Variants in BIN1 observed in about 807,000 individuals in gnomAD.
BIN1 encodes the protein myc box-dependent-interacting protein 1.
In BIN1, 53 loss-of-function variants were observed where a neutral mutation model predicts 82.0. The ratio of observed to expected loss-of-function variants is 0.65; its 90% CI spans 0.52 to 0.81. BIN1 has a LOEUF of 0.81. BIN1 is among the 40% of genes least tolerant of loss of function. The pLI is 0.00. For missense variants in BIN1, 642 were observed against 784.4 expected (o/e 0.82, Z 2.17); for synonymous variants, 302 against 328.0 (o/e 0.92, Z 0.86).
chr2:127,080,885 C>A (rs1302535743), intron 1 of BIN1, among the ~76,000 whole-genome samples: 1 of 152,218 alleles, frequency 6.6e-6, no homozygotes, highest in Non-Finnish European at 1.5e-5. Flanking sequence ...TGGAAGGAAA[C>A]CCTCCCAAGG....
At position 127,073,652 on chromosome 2, in the gene BIN1, G is replaced by A. The variant is rs1044261481; in HGVS notation, c.166-2836C>T. Among the ~76,000 whole-genome samples the A allele has an allele frequency of 1.4e-4, 22 of 152,168 alleles. 1 individual carries two copies. Among genetic ancestry groups the A allele is most frequent in the East Asian group, 3.9e-4 (2 of 5,178 alleles). Reference sequence around the variant, plus strand: ...TCTGGCACCCCTCAGCCATCAATTCGGGGGGCGACCTTCACTCAATAGTCA... The same window carrying A: ...TCTGGCACCCCTCAGCCATCAATTCAGGGGGCGACCTTCACTCAATAGTCA... On this transcript the variant is annotated intron_variant, in intron 2 of 18. Transcript: ENST00000316724.
chr2:127,083,265 A>T (rs577245134), intron 1 of BIN1, among the ~76,000 whole-genome samples: 2 of 152,036 alleles, frequency 1.3e-5, no homozygotes, highest in African/African-American at 4.8e-5. Flanking sequence ...CTTTTTGTAG[A>T]GACAGGGCCT....
chr2:127,063,024 G>A (rs1025817516), intron 9 of BIN1, among the ~76,000 whole-genome samples: 1 of 152,074 alleles, frequency 6.6e-6, no homozygotes, highest in African/African-American at 2.4e-5. Context: ...GCCAGCCCTG[G>A]GTCTCTCCAA....
At chr2:127,069,110 C>A in intron 5 of BIN1, 79 bp from the exon 6 acceptor site, 2 of 1,400,742 alleles carry the variant, frequency 1.4e-6, no homozygotes, top group South Asian at 1.2e-5. Flanking sequence ...CCTGGAGGGA[C>A]CCGCAGGGCG....
chr2:127,074,702 T>C (rs541042189), intron 2 of BIN1, among the ~76,000 whole-genome samples: 2 of 151,894 alleles, frequency 1.3e-5, no homozygotes, highest in African/African-American at 2.4e-5. Flanking sequence ...GCCTGTTTTT[T>C]GTTTGTTTGT....
chr2:127,100,286 C>T (rs942733429), intron 1 of BIN1, among the ~76,000 whole-genome samples: 3 of 152,222 alleles, frequency 2.0e-5, no homozygotes, highest in African/African-American at 7.2e-5. Flanking sequence ...AAGTGCAAGC[C>T]TAGACCCCAG....
At chr2:127,073,823 G>A (rs192927728) in intron 2 of BIN1, among the ~76,000 whole-genome samples, 12 of 152,288 alleles carry the variant, frequency 7.9e-5, no homozygotes. Flanking sequence ...GAGCTGGGAT[G>A]CCCTGGAGAC....
In BIN1 at chr2:127,059,099, G is replaced by T; in HGVS notation, c.914C>A (p.Ala305Asp). ...GTTGACTCTGATCTCGGGGGTGGCG[G>T]CAGGGGAGCCATCTGGAGGCGAAGG... ...KSPSPPDGSP[A>D]ATPEIRVNHE... The change falls in exon 11 of 19, where the codon GCC (alanine) becomes GAC (aspartate). Residue 305 changes from alanine to aspartate, a missense_variant. Coordinates refer to ENST00000316724, the MANE Select transcript of BIN1 (RefSeq NM_139343.3). This position sits in a 1 kb window ranked among gnomAD's most constrained non-coding sequence, Gnocchi z 6.7. The T allele has an allele frequency of 6.3e-7, 1 of 1,593,970 alleles. No individual in the cohort carries two copies.
At chr2:127,060,704 T>C in intron 10 of BIN1, 1 of 1,599,032 alleles carries the variant, frequency 6.3e-7, no homozygotes, top group Non-Finnish European at 8.6e-7. Context: ...AGAACTGGCC[T>C]GTCCCCTTCC....
At chr2:127,058,162 G>A (rs1035119042) in intron 11 of BIN1, among the ~76,000 whole-genome samples, 1 of 152,206 alleles carries the variant, frequency 6.6e-6, no homozygotes, top group South Asian at 2.1e-4. Flanking sequence ...CACCAGGTGG[G>A]GGACCTCAGG....
chr2:127,079,312 C>T (rs969710741), intron 1 of BIN1, among the ~76,000 whole-genome samples: 1 of 152,218 alleles, frequency 6.6e-6, no homozygotes. Context: ...AACACTGGCA[C>T]CCTCCTCAAG....
chr2:127,058,796 G>A (rs1284755486), intron 11 of BIN1, among the ~76,000 whole-genome samples: 1 of 152,144 alleles, frequency 6.6e-6, no homozygotes, highest in Non-Finnish European at 1.5e-5. Context: ...GGGCTGGGGA[G>A]GAGCGAGCAA....
At chr2:127,091,402 C>T (rs1385319800) in intron 1 of BIN1, among the ~76,000 whole-genome samples, 1 of 152,250 alleles carries the variant, frequency 6.6e-6, no homozygotes, top group Admixed American at 6.5e-5. Context: ...GGCTCCCCAT[C>T]TTTGCCGATG....
Position 127,059,205 on chromosome 2 carries a change from A to G in BIN1, c.858-50T>C. The G allele has an allele frequency of 6.5e-7, 1 of 1,545,020 alleles. No individual in the cohort carries two copies. The highest frequency in any genetic ancestry group is 8.7e-7 in the Non-Finnish European group (1 of 1,145,004). ...GCCCAGTGTTGGGGGGCCAAGGCAC[A>G]GGAGACGGAGGGGCAAATGTATTGA... is the stretch of plus-strand genomic sequence containing the variant. On this transcript the variant is annotated intron_variant, in intron 10 of 18. Transcript: ENST00000316724. The surrounding 1 kb of genome is among the most constrained non-coding windows in gnomAD (Gnocchi z 6.7).
chr2:127,063,850 G>A (rs922611033), intron 8 of BIN1, 83 bp downstream of exon 8: 38 of 1,562,474 alleles, frequency 2.4e-5, no homozygotes, highest in Non-Finnish European at 2.8e-5. Flanking sequence ...ACGCAGGCTG[G>A]GCACCACAGC....
At chr2:127,089,273 G>T (rs1159837008) in intron 1 of BIN1, among the ~76,000 whole-genome samples, 7 of 152,064 alleles carry the variant, frequency 4.6e-5, no homozygotes, top group Non-Finnish European at 1.5e-5. Context: ...GAAGACTCTG[G>T]CCCTTAAAAC....
At position 127,068,098 on chromosome 2, in the gene BIN1, G is replaced by A; in HGVS notation, c.612+65C>T. The stretch of plus-strand genomic sequence containing the variant: ...GATGCCAGCCCTGCATTCCACCGCA[G>A]GGCGAGAGGACAGGACGACAGACCG... On this transcript the variant is annotated intron_variant, in intron 7 of 18. Transcript: ENST00000316724. The surrounding 1 kb of genome is among the most constrained non-coding windows in gnomAD (Gnocchi z 4.9). 6.6e-7 allele frequency: 1 copy of A among 1,515,336 alleles called. No individual in the cohort carries two copies. The highest frequency in any genetic ancestry group is 1.4e-5 in the African/African-American group (1 of 72,658). 93.9% of individuals were successfully genotyped at this position (1,515,336 alleles called of 1,614,324 possible).
intron 9 of BIN1, among the ~76,000 whole-genome samples, chr2:127,062,721 T>A (rs761356785): frequency 6.6e-6 from 1 of 152,222 alleles, no homozygotes; most frequent in Non-Finnish European, 1.5e-5. Context: ...TAAACAACTA[T>A]GTTCTGTGGC....
At chr2:127,060,783 AC>A in intron 10 of BIN1, 2 of 1,131,458 alleles carry the variant, frequency 1.8e-6, no homozygotes, top group Non-Finnish European at 2.6e-6. Flanking sequence ...GAGGCCTTGC[AC>A]AGGGCCTGGG....
Sources: gnomAD v4.1 joint callset for allele counts (sites outside exome capture counted in the v4.1 genomes callset) on GRCh38, gnomAD v4.1.1 for gene constraint, Gnocchi (gnomAD v3.1) non-coding constraint, MANE v1.5 for transcripts, NCBI Gene and HGNC (gene_info 2026-07-23, HGNC 2026-07-21) for gene names.